Variants in SGCZ observed in about 807,000 individuals in gnomAD.
The protein encoded by SGCZ is zeta-sarcoglycan.
In SGCZ, 40 loss-of-function variants were observed where a neutral mutation model predicts 41.3. The observed-to-expected ratio is 0.97, with a 90% CI of 0.75 to 1.26. The LOEUF is 1.26. SGCZ is among the 50% of genes most tolerant of loss of function. The probability of loss-of-function intolerance (pLI) is 0.00; values close to 1 mark genes in which losing one functional copy is unlikely to be tolerated. For missense variants in SGCZ, 552 were observed against 369.8 expected (o/e 1.49, Z -4.04); for synonymous variants, 206 against 137.5 (o/e 1.50, Z -3.49).
intron 4 of SGCZ, among the ~76,000 whole-genome samples, chr8:14,181,677 G>A (rs1056838769): frequency 2.0e-5 from 3 of 152,148 alleles, no homozygotes; most frequent in African/African-American, 7.2e-5. Flanking sequence ...TTTATAAACG[G>A]GAGTTCCTCT....
At chr8:14,300,818 TA>T (rs1693656579) in intron 3 of SGCZ, among the ~76,000 whole-genome samples, 1 of 152,060 alleles carries the variant, frequency 6.6e-6, no homozygotes, top group South Asian at 2.1e-4. Flanking sequence ...CTAATCAGGC[TA>T]TTTGTTTCCT....
At chr8:14,789,557 G>A (rs575928901) in intron 1 of SGCZ, among the ~76,000 whole-genome samples, 1 of 152,176 alleles carries the variant, frequency 6.6e-6, no homozygotes, top group Admixed American at 6.5e-5. Flanking sequence ...AACTTACAAG[G>A]CTCTTCATGC....
intron 1 of SGCZ, among the ~76,000 whole-genome samples, chr8:14,890,872 A>T (rs1481096546): frequency 1.3e-5 from 2 of 152,186 alleles, no homozygotes; most frequent in African/African-American, 2.4e-5. Context: ...CAAAATCCTC[A>T]GGCTCTTCAG....
intron 2 of SGCZ, among the ~76,000 whole-genome samples, chr8:14,457,408 C>A (rs967115449): frequency 2.8e-4 from 42 of 152,182 alleles, no homozygotes; most frequent in Admixed American, 1.8e-3. Context: ...GGAACAACAC[C>A]CGCTACTTAG....
rs150168174 is a variant in SGCZ at position 14,663,026 on chromosome 8, C to G, written c.40-108100G>C. Among the ~76,000 whole-genome samples, 902 of 152,230 alleles carry G rather than the reference C, an allele frequency of 5.9e-3. 10 individuals are homozygous for G. Among genetic ancestry groups the G allele is most frequent in the Middle Eastern group, 0.02 (6 of 294 alleles). ...ACACAAATAAACAAGGAAACAGATC[C>G]TCCCCTAGGATGTCCAGAAAGAAAT... On this transcript the variant is annotated intron_variant, in intron 1 of 7. Coordinates refer to ENST00000382080, the MANE Select transcript of SGCZ (RefSeq NM_139167.4).
At chr8:14,203,533 C>T (rs73528708) in intron 4 of SGCZ, among the ~76,000 whole-genome samples, 8,734 of 152,120 alleles carry the variant, frequency 0.057, 535 homozygotes, top group African/African-American at 0.15. Flanking sequence ...ATTTAATGTG[C>T]TCCTAAATTT....
chr8:14,129,736 T>G (rs1291843446), intron 5 of SGCZ, among the ~76,000 whole-genome samples: 1 of 147,092 alleles, frequency 6.8e-6, no homozygotes, highest in Non-Finnish European at 1.5e-5. Flanking sequence ...CCATTGACAA[T>G]AACATATAAA....
chr8:14,130,663 C>CT (rs1803013173), intron 5 of SGCZ, among the ~76,000 whole-genome samples: 2 of 152,058 alleles, frequency 1.3e-5, no homozygotes, highest in Admixed American at 1.3e-4. Flanking sequence ...AAAGCAGCCA[C>CT]TAAATCATTT....
rs528444354 is a variant in SGCZ, at chr8:14,742,522, T to C, written c.40-187596A>G. Among the ~76,000 whole-genome samples, 21 of 152,180 alleles carry C rather than the reference T, an allele frequency of 1.4e-4. No individual in the cohort carries two copies. In the South Asian group the frequency reaches 3.1e-3, roughly 23 times the overall value. ...ATCAAGTCACATGCCCTCTTTACAATATAGGAAATTCAGGGAACTAAGTGT... is the reference window on the plus strand; with the variant it reads ...ATCAAGTCACATGCCCTCTTTACAACATAGGAAATTCAGGGAACTAAGTGT... On this transcript the variant is annotated intron_variant, in intron 1 of 7. Transcript: ENST00000382080.
chr8:14,675,563 G>A (rs979375424), intron 1 of SGCZ, among the ~76,000 whole-genome samples: 1 of 152,004 alleles, frequency 6.6e-6, no homozygotes, highest in African/African-American at 2.4e-5. Flanking sequence ...ATTTATATGA[G>A]AAAATATGTT....
intron 1 of SGCZ, among the ~76,000 whole-genome samples, chr8:15,000,961 G>A (rs1323519110): frequency 6.6e-6 from 1 of 152,174 alleles, no homozygotes; most frequent in African/African-American, 2.4e-5. Context: ...ATCCCAGAGT[G>A]TATACTCAAG....
chr8:15,061,854 C>A (rs1465667824), intron 1 of SGCZ, among the ~76,000 whole-genome samples: 2 of 152,180 alleles, frequency 1.3e-5, no homozygotes, highest in Non-Finnish European at 2.9e-5. Flanking sequence ...CACCACCCTA[C>A]AAGTTGTTCA....
At chr8:15,005,891 C>T (rs1313765645) in intron 1 of SGCZ, among the ~76,000 whole-genome samples, 1 of 152,122 alleles carries the variant, frequency 6.6e-6, no homozygotes, top group African/African-American at 2.4e-5. Context: ...AATTGCTGTG[C>T]TATTTTATTT....
intron 1 of SGCZ, among the ~76,000 whole-genome samples, chr8:14,702,005 T>C (rs375783978): frequency 2.8e-4 from 42 of 152,046 alleles, no homozygotes; most frequent in African/African-American, 9.9e-4. Context: ...TCAAACATTT[T>C]TACACGCACT....
intron 1 of SGCZ, among the ~76,000 whole-genome samples, chr8:15,086,799 C>G (rs1805965666): frequency 6.6e-6 from 1 of 151,932 alleles, no homozygotes; most frequent in Non-Finnish European, 1.5e-5. Flanking sequence ...ATTTTTTTCT[C>G]TCTGCATTGT....
At chr8:14,243,588 T>C (rs967315738) in intron 3 of SGCZ, among the ~76,000 whole-genome samples, 4 of 152,216 alleles carry the variant, frequency 2.6e-5, no homozygotes. Flanking sequence ...ATTCTACTTT[T>C]CTATCTCTAC....
chr8:14,205,812 G>A (rs1234601394), intron 4 of SGCZ, among the ~76,000 whole-genome samples: 1 of 151,962 alleles, frequency 6.6e-6, no homozygotes, highest in African/African-American at 2.4e-5. Context: ...TATTCTATTT[G>A]ATGCACTGAG....
At chr8:14,108,305 G>T in intron 5 of SGCZ, 70 bp from the exon 6 acceptor site, 1 of 1,355,272 alleles carries the variant, frequency 7.4e-7, no homozygotes, top group Non-Finnish European at 1.0e-6. Context: ...CTATGTTTAT[G>T]CATCAAATAT....
At chr8:14,807,012 C>T (rs1023792307) in intron 1 of SGCZ, among the ~76,000 whole-genome samples, 11 of 152,016 alleles carry the variant, frequency 7.2e-5, no homozygotes, top group Non-Finnish European at 1.5e-4. Flanking sequence ...GCAGAAAAGG[C>T]CTTTGACAAA....
Sources: gnomAD v4.1 joint callset for allele counts (sites outside exome capture counted in the v4.1 genomes callset) on GRCh38, gnomAD v4.1.1 for gene constraint, MANE v1.5 for transcripts, NCBI Gene and HGNC (gene_info 2026-07-23, HGNC 2026-07-21) for gene names.